RELCH: variants seen among roughly 807,000 people sequenced by gnomAD.
RELCH encodes the protein RAB11-binding protein RELCH.
A neutral mutation model predicts 150.3 loss-of-function variants in RELCH; 41 were observed. The ratio of observed to expected loss-of-function variants is 0.27; its 90% confidence interval spans 0.21 to 0.35. The LOEUF (loss-of-function observed/expected upper bound fraction) is 0.35, where lower values mean the gene tolerates loss of function less well. Among genes scored for constraint, RELCH ranks in the 10% least tolerant of loss-of-function variants. RELCH has a pLI of 1.00. For missense variants in RELCH, 1,092 were observed against 1,467.8 expected (o/e 0.74, Z 4.18); for synonymous variants, 478 against 531.8 (o/e 0.90, Z 1.39).
In RELCH at chr18:62,228,296, T is replaced by C. The variant is rs1271968550; in HGVS notation, c.1155-9T>C. 6.3e-6 allele frequency: 10 copies of C among 1,596,336 alleles called. No homozygotes were observed. The highest frequency in any genetic ancestry group is 1.4e-5 in the African/African-American group (1 of 73,938). On this transcript the variant is annotated splice_polypyrimidine_tract_variant and intron_variant, in intron 7 of 28. Transcript: ENST00000644646. ...CTCTGGTGATTTCTCTTAATTTCTC[T>C]TTCTACAGTGAAATGGACTTCCTCA...
chr18:62,275,304 G>A (rs192053604), intron 21 of RELCH, 70 bp from the exon 22 acceptor site: 31 of 662,808 alleles, frequency 4.7e-5, no homozygotes, highest in Admixed American at 4.3e-4. Flanking sequence ...TATAAATATC[G>A]TGTTTTTCAG....
intron 10 of RELCH, among the ~76,000 whole-genome samples, chr18:62,237,487 G>A (rs73458530): frequency 0.1 from 15,209 of 151,670 alleles, 904 homozygotes; most frequent in East Asian, 0.19. Context: ...TTAAACAAAT[G>A]ATACTGTATT....
At chr18:62,257,078 A>T (rs933593654) in intron 13 of RELCH, among the ~76,000 whole-genome samples, 1 of 152,224 alleles carries the variant, frequency 6.6e-6, no homozygotes, top group East Asian at 1.9e-4. Flanking sequence ...TAGCCATGTC[A>T]TCTGCCTTTA....
At chr18:62,240,471 C>G (rs144572251) in intron 10 of RELCH, among the ~76,000 whole-genome samples, 1 of 147,962 alleles carries the variant, frequency 6.8e-6, no homozygotes, top group African/African-American at 2.5e-5. Flanking sequence ...TACAGTGGCA[C>G]AATCACAGCT....
chr18:62,192,592 G>A (rs1427085856), intron 1 of RELCH, among the ~76,000 whole-genome samples: 13 of 152,030 alleles, frequency 8.6e-5, no homozygotes, highest in African/African-American at 3.1e-4. Context: ...GTCCAGTGTC[G>A]ATTTTCTGCA....
chr18:62,221,026 T>C lies in RELCH; in HGVS notation c.617-11T>C. ...GATGCCTGTGTGTGTTTATTCCAAATCCCTGTCCAGTCCTGGAGTTTGAAC... is the reference window on the plus strand; with the variant it reads ...GATGCCTGTGTGTGTTTATTCCAAACCCCTGTCCAGTCCTGGAGTTTGAAC... On this transcript the variant is annotated splice_polypyrimidine_tract_variant and intron_variant, in intron 2 of 28. Coordinates refer to ENST00000644646, the MANE Select transcript of RELCH (RefSeq NM_001346231.2). 1 of 1,610,724 alleles carries C rather than the reference T, an allele frequency of 6.2e-7. No individual in the cohort carries two copies. The highest frequency in any genetic ancestry group is 8.5e-7 in the Non-Finnish European group (1 of 1,178,134).
chr18:62,248,901 A>G (rs1447715136), intron 11 of RELCH, among the ~76,000 whole-genome samples: 1 of 152,176 alleles, frequency 6.6e-6, no homozygotes, highest in Non-Finnish European at 1.5e-5. Flanking sequence ...TTGATCAAGC[A>G]ATGATGATAG....
rs1174486589 is a variant in RELCH, at chr18:62,187,338, G to A, written c.-168G>A. Reference sequence around the variant, plus strand: ...AGAGGCTGAGGCATCAGGTGCAGCTGCATCCGGATCTCCTGCCTTGGAGCG... The same window carrying A: ...AGAGGCTGAGGCATCAGGTGCAGCTACATCCGGATCTCCTGCCTTGGAGCG... On this transcript the variant is annotated 5_prime_UTR_variant, in exon 1 of 29. Coordinates refer to ENST00000644646, the MANE Select transcript of RELCH (RefSeq NM_001346231.2). The A allele has an allele frequency of 1.9e-6, 1 of 538,876 alleles. No homozygotes were observed. Among genetic ancestry groups the A allele is most frequent in the Admixed American group, 3.2e-5 (1 of 31,218 alleles). The allele number at this position is 538,876 out of a possible 1,614,324, so 33.4% of individuals were successfully genotyped here. A position where few individuals can be genotyped will look rare whatever the true frequency, so the allele number is the denominator to read the frequency against.
At chr18:62,232,978 C>G (rs895831099) in intron 10 of RELCH, among the ~76,000 whole-genome samples, 1 of 151,820 alleles carries the variant, frequency 6.6e-6, no homozygotes, top group Non-Finnish European at 1.5e-5. Flanking sequence ...TTTTAAAGTA[C>G]CTTTTTTATT....
rs2038239896 is a variant in RELCH at position 62,187,858 on chromosome 18, T to C, written c.353T>C (p.Leu118Ser). 6.3e-7 allele frequency: 1 copy of C among 1,593,906 alleles called. No individual in the cohort carries two copies. The highest frequency in any genetic ancestry group is 8.5e-7 in the Non-Finnish European group (1 of 1,170,584). Residue 118 changes from leucine (L) to serine (S), a missense_variant, in exon 1 of 29, where the codon TTA (leucine) becomes TCA (serine). By Grantham distance (145) the Leu-to-Ser change is moderately radical. This residue lies in a region of RELCH where 190 missense variants were observed against 276.2 expected (regional missense o/e 0.69). Coordinates refer to ENST00000644646, the MANE Select transcript of RELCH (RefSeq NM_001346231.2). ...GCCCTGGAGCTGCATACCGAGCTGTTAGAGAGTGGCCGGGAGCTGCCTCGG... is the reference window on the plus strand; with the variant it reads ...GCCCTGGAGCTGCATACCGAGCTGTCAGAGAGTGGCCGGGAGCTGCCTCGG... ...LTALELHTEL[L>S]ESGRELPRLR...
intron 27 of RELCH, 125 bp from the exon 28 acceptor site, chr18:62,298,665 C>A: frequency 1.7e-6 from 1 of 571,776 alleles, no homozygotes; most frequent in African/African-American, 2.0e-5. Context: ...AACAAAGTAA[C>A]TGCCAAAACT....
intron 27 of RELCH, among the ~76,000 whole-genome samples, chr18:62,295,318 G>GTTT (rs201022051): frequency 2.2e-3 from 282 of 127,430 alleles, no homozygotes; most frequent in Middle Eastern, 4.7e-3. Flanking sequence ...AGCCTGGTGT[G>GTTT]TTTTTTTTTT....
At chr18:62,275,077 C>T (rs1277052518) in intron 21 of RELCH, among the ~76,000 whole-genome samples, 1 of 152,080 alleles carries the variant, frequency 6.6e-6, no homozygotes, top group Non-Finnish European at 1.5e-5. Context: ...TCACCATGCC[C>T]AGCTAATTTT....
chr18:62,263,205 G>A (rs1221142373), intron 16 of RELCH, among the ~76,000 whole-genome samples: 1 of 152,052 alleles, frequency 6.6e-6, no homozygotes, highest in East Asian at 1.9e-4. Flanking sequence ...AAATTTGGGC[G>A]GGGGGCAGTT....
chr18:62,188,287 A>T (rs2038305401), intron 1 of RELCH, among the ~76,000 whole-genome samples: 1 of 152,172 alleles, frequency 6.6e-6, no homozygotes, highest in Non-Finnish European at 1.5e-5. Flanking sequence ...ATAAAATATC[A>T]AGAGTTTCTA....
Position 62,221,222 on chromosome 18 carries a change from A to G in RELCH, c.692A>G (p.His231Arg), listed in dbSNP as rs1198799898. 6.2e-7 allele frequency: 1 copy of G among 1,610,034 alleles called. No homozygotes were observed. Among genetic ancestry groups the G allele is most frequent in the Non-Finnish European group, 8.5e-7 (1 of 1,176,806 alleles). Residue 231 changes from histidine (H) to arginine (R), a missense_variant, in exon 4 of 29, where the codon CAT (histidine) becomes CGT (arginine). This residue lies in a region of RELCH where 190 missense variants were observed against 276.2 expected (regional missense o/e 0.69). Transcript: ENST00000644646. ...LRANLTKAAE[H>R]EVPLQERKNY... is the part of the protein sequence containing the mutation. Reference sequence around the variant, plus strand: ...TACTTATGTTTTTTTCCACCAGAACATGAAGTTCCTTTACAGGAACGAAAA... The same window carrying G: ...TACTTATGTTTTTTTCCACCAGAACGTGAAGTTCCTTTACAGGAACGAAAA...
intron 26 of RELCH, among the ~76,000 whole-genome samples, chr18:62,288,056 G>T (rs2044907668): frequency 6.6e-6 from 1 of 152,060 alleles, no homozygotes; most frequent in African/African-American, 2.4e-5. Flanking sequence ...ATAGTTAAAA[G>T]CAAAACTGTG....
At chr18:62,249,556 T>G (rs977551167) in intron 11 of RELCH, among the ~76,000 whole-genome samples, 21 of 152,164 alleles carry the variant, frequency 1.4e-4, no homozygotes, top group African/African-American at 5.1e-4. Context: ...CCTATCTTGG[T>G]AATTTAGTTA....
intron 25 of RELCH, among the ~76,000 whole-genome samples, chr18:62,285,046 A>C (rs542542905): frequency 6.6e-6 from 1 of 152,300 alleles, no homozygotes; most frequent in African/African-American, 2.4e-5. Flanking sequence ...AACAAACAAA[A>C]ATAGGACAAG....
Sources: allele counts gnomAD v4.1 joint callset (sites outside exome capture counted in the v4.1 genomes callset), GRCh38; gene constraint gnomAD v4.1.1; regional missense constraint gnomAD v4.1.1; transcripts MANE v1.5; gene names NCBI Gene and HGNC (gene_info 2026-07-23, HGNC 2026-07-21).